PTPRD: variants seen among roughly 807,000 people sequenced by gnomAD.
The protein encoded by PTPRD is receptor-type tyrosine-protein phosphatase delta.
PTPRD carries 34 observed loss-of-function variants against 214.5 expected under a neutral mutation model. The ratio of observed to expected loss-of-function variants is 0.16; its 90% CI spans 0.12 to 0.21. The LOEUF is 0.21. Among genes scored for constraint, PTPRD ranks in the 10% least tolerant of loss-of-function variants. The probability of loss-of-function intolerance (pLI) is 1.00; values close to 1 mark genes in which losing one functional copy is unlikely to be tolerated. For synonymous variants in PTPRD, 1,128 were observed against 845.7 expected (o/e 1.33, Z -5.79); for missense variants, 2,545 against 2,398.7 (o/e 1.06, Z -1.27).
intron 7 of PTPRD, among the ~76,000 whole-genome samples, chr9:9,652,769 C>G (rs2154373998): frequency 6.6e-6 from 1 of 151,986 alleles, no homozygotes; most frequent in Admixed American, 6.6e-5. Flanking sequence ...TATGTACCAC[C>G]ATTCCCTGCT....
chr9:10,528,805 T>A (rs1360003021), intron 2 of PTPRD, among the ~76,000 whole-genome samples: 1 of 152,162 alleles, frequency 6.6e-6, no homozygotes, highest in Non-Finnish European at 1.5e-5. Flanking sequence ...ATCCATACTA[T>A]TTCAACAACA....
intron 44 of PTPRD, among the ~76,000 whole-genome samples, chr9:8,327,959 T>C (rs1455734376): frequency 1.1e-5 from 1 of 89,846 alleles, no homozygotes; most frequent in Non-Finnish European, 2.3e-5. Context: ...GGGTCTTCAC[T>C]CCTCTTTATC....
intron 8 of PTPRD, among the ~76,000 whole-genome samples, chr9:9,480,692 G>T (rs894899292): frequency 1.3e-5 from 2 of 151,872 alleles, no homozygotes; most frequent in Non-Finnish European, 2.9e-5. Context: ...ATATTTTTTA[G>T]TATATTAAGT....
At chr9:9,044,544 T>A (rs1286872543) in intron 10 of PTPRD, among the ~76,000 whole-genome samples, 1 of 152,194 alleles carries the variant, frequency 6.6e-6, no homozygotes, top group Non-Finnish European at 1.5e-5. Flanking sequence ...TTTCTGTTTC[T>A]TCCATGGCAG....
intron 11 of PTPRD, among the ~76,000 whole-genome samples, chr9:8,748,535 AAAAAAGAAAAAG>A (rs1300692516): frequency 1.3e-4 from 16 of 122,308 alleles, no homozygotes; most frequent in African/African-American, 3.5e-4. Flanking sequence ...AAAAAAAAAA[AAAAAAGAAAAAG>A]AAAAAGAAAA....
In PTPRD at chr9:9,722,968, C is replaced by T. The variant is rs145428768; in HGVS notation, c.-287+11565G>A. 1.6e-3 allele frequency among the ~76,000 whole-genome samples: 251 copies of T among 152,128 alleles called. 1 individual carries two copies. Among genetic ancestry groups the T allele is most frequent in the African/African-American group, 5.6e-3 (234 of 41,554 alleles). On this transcript the variant is annotated intron_variant, in intron 7 of 45. Coordinates refer to ENST00000381196, the MANE Select transcript of PTPRD (RefSeq NM_002839.4). ...TTATTGGATATATGATTTCACAACA[C>T]TTTCTCCCATTCTTTGAATTATGTT...
At chr9:9,909,196 C>T (rs949094821) in intron 5 of PTPRD, among the ~76,000 whole-genome samples, 1 of 151,802 alleles carries the variant, frequency 6.6e-6, no homozygotes, top group South Asian at 2.1e-4. Context: ...CACATTTCTA[C>T]CTGAAATGGC....
intron 12 of PTPRD, among the ~76,000 whole-genome samples, chr9:8,719,464 A>G (rs1269520291): frequency 6.6e-6 from 1 of 152,218 alleles, no homozygotes; most frequent in African/African-American, 2.4e-5. Context: ...AACTAACTTC[A>G]TCAGGTTAAA....
intron 44 of PTPRD, among the ~76,000 whole-genome samples, chr9:8,330,830 T>TTAA (rs1358935673): frequency 6.6e-6 from 1 of 150,588 alleles, no homozygotes; most frequent in African/African-American, 2.5e-5. Flanking sequence ...AATATATTTT[T>TTAA]TAATAAACTC....
Position 9,607,270 on chromosome 9 carries a change from G to A in PTPRD, c.-286-32489C>T, listed in dbSNP as rs1269043599. Among the ~76,000 whole-genome samples the A allele has an allele frequency of 3.3e-5, 5 of 152,180 alleles. No individual in the cohort carries two copies. In the East Asian group the frequency reaches 5.8e-4, roughly 18 times the overall value. ...ACACTGGAGTCTATGGGGATTACTGGCCATTTCTGTTTTTACTAATGGGTC... is the reference window on the plus strand; with the variant it reads ...ACACTGGAGTCTATGGGGATTACTGACCATTTCTGTTTTTACTAATGGGTC... On this transcript the variant is annotated intron_variant, in intron 7 of 45. Transcript: ENST00000381196.
chr9:10,268,115 C>CT (rs375227811), intron 3 of PTPRD, among the ~76,000 whole-genome samples: 2,697 of 132,766 alleles, frequency 0.02, 34 homozygotes, highest in African/African-American at 0.024. Flanking sequence ...CCATCTCCAT[C>CT]TTTTTTTTTT....
chr9:9,888,724 CA>C (rs1401029125), intron 5 of PTPRD, among the ~76,000 whole-genome samples: 2 of 152,104 alleles, frequency 1.3e-5, no homozygotes, highest in Non-Finnish European at 2.9e-5. Flanking sequence ...ATGGCTGAAC[CA>C]TGAGCCAAAT....
At chr9:9,344,507 T>TA (rs990787337) in intron 9 of PTPRD, among the ~76,000 whole-genome samples, 5 of 150,310 alleles carry the variant, frequency 3.3e-5, no homozygotes, top group East Asian at 3.9e-4. Context: ...AAGTAAAAAT[T>TA]AAAAAAAAAG....
chr9:9,954,212 C>T (rs1027932225), intron 4 of PTPRD, among the ~76,000 whole-genome samples: 7 of 140,250 alleles, frequency 5.0e-5, no homozygotes, highest in East Asian at 2.3e-4. Context: ...ATGAGAATCG[C>T]TTGAACCTGG....
At chr9:9,917,355 A>C (rs1407369316) in intron 5 of PTPRD, among the ~76,000 whole-genome samples, 1 of 149,844 alleles carries the variant, frequency 6.7e-6, no homozygotes, top group East Asian at 1.9e-4. Context: ...CAGAAATAAA[A>C]TCAAAGTCAC....
intron 8 of PTPRD, among the ~76,000 whole-genome samples, chr9:9,490,370 T>C (rs1426535108): frequency 6.6e-6 from 1 of 152,124 alleles, no homozygotes; most frequent in Non-Finnish European, 1.5e-5. Context: ...CTAGTATTAT[T>C]GTAATGACAG....
At chr9:8,581,156 C>G (rs116925366) in intron 14 of PTPRD, among the ~76,000 whole-genome samples, 1,589 of 151,712 alleles carry the variant, frequency 0.01, 17 homozygotes, top group South Asian at 0.021. Flanking sequence ...GTTAAAGTAA[C>G]TGTAAGTAAG....
intron 10 of PTPRD, among the ~76,000 whole-genome samples, chr9:9,044,091 A>G (rs1569497676): frequency 6.6e-6 from 1 of 152,178 alleles, no homozygotes; most frequent in Non-Finnish European, 1.5e-5. Context: ...TGTGTACCTT[A>G]AACTTCCACA....
At chr9:10,158,738 A>G (rs2099109240) in intron 3 of PTPRD, among the ~76,000 whole-genome samples, 1 of 152,156 alleles carries the variant, frequency 6.6e-6, no homozygotes, top group Non-Finnish European at 1.5e-5. Context: ...TTTCCCCCTG[A>G]CTTATTGTCT....
Sources: gnomAD v4.1 joint callset for allele counts (sites outside exome capture counted in the v4.1 genomes callset) on GRCh38, gnomAD v4.1.1 for gene constraint, MANE v1.5 for transcripts, NCBI Gene and HGNC (gene_info 2026-07-23, HGNC 2026-07-21) for gene names.